Variants in ZNF584 observed in about 807,000 individuals in gnomAD.
ZNF584 encodes the protein zinc finger protein 584.
In ZNF584, 12 loss-of-function variants were observed where a neutral mutation model predicts 14.7. That is an observed-to-expected ratio of 0.82 (90% CI 0.52 to 1.32). The LOEUF (loss-of-function observed/expected upper bound fraction) is 1.32, where lower values mean the gene tolerates loss of function less well. ZNF584 is among the 40% of genes most tolerant of loss of function. ZNF584 has a pLI of 0.00. For missense variants in ZNF584, 478 were observed against 518.8 expected (o/e 0.92, Z 0.76); for synonymous variants, 204 against 190.9 (o/e 1.07, Z -0.57).
intron 1 of ZNF584, among the ~76,000 whole-genome samples, chr19:58,401,841 A>G (rs2052432862): frequency 6.9e-6 from 1 of 144,530 alleles, no homozygotes; most frequent in South Asian, 2.2e-4. Flanking sequence ...CGCAGATCCA[A>G]ACACATAGTA....
chr19:58,413,669 T>A (rs2052604623), intron 2 of ZNF584, among the ~76,000 whole-genome samples: 1 of 96,268 alleles, frequency 1.0e-5, no homozygotes, highest in Admixed American at 1.0e-4. Context: ...AATTTTTGTA[T>A]TTTTTTTTTT....
At position 58,412,197 on chromosome 19, in the gene ZNF584, G is replaced by GCC. The variant is rs1225346355; in HGVS notation, c.169+2106_169+2107insCC. 5.0e-3 allele frequency among the ~76,000 whole-genome samples: 490 copies of GCC among 97,914 alleles called. 20 individuals are homozygous for GCC. The highest frequency in any genetic ancestry group is 0.025 in the African/African-American group (457 of 17,930). The allele number at this position is 97,914 out of a possible 152,430, so 64.2% of individuals were successfully genotyped here. ...GGGTTTCACCATGTTGGCCAGGGTGGTCTTTTTTTTTTTTTTTTTTTTTGA... is the reference window on the plus strand; with the variant it reads ...GGGTTTCACCATGTTGGCCAGGGTGGCCTCTTTTTTTTTTTTTTTTTTTTTGA... On this transcript the variant is annotated intron_variant, in intron 2 of 3. Transcript: ENST00000306910.
Position 58,417,775 on chromosome 19 carries a change from TA to T in ZNF584, c.1258del (p.Ser420AlafsTer30), listed in dbSNP as rs763159781. On this transcript the variant is annotated frameshift_variant, in exon 4 of 4. Coordinates refer to ENST00000306910, the MANE Select transcript of ZNF584 (RefSeq NM_173548.3). LOFTEE classifies it high-confidence loss of function. ...AGGACAGGGCACATGGGAAGGTCGT[TA>T]GCTGCTAGCACCGTGTTCATCAGGA... ...QEDRAHGKVV[S>X]C 1.2e-6 allele frequency: 2 copies of T among 1,604,168 alleles called. No individual in the cohort carries two copies. Among genetic ancestry groups the T allele is most frequent in the Non-Finnish European group, 8.5e-7 (1 of 1,174,668 alleles).
chr19:58,411,279 C>T (rs770745967), intron 2 of ZNF584, among the ~76,000 whole-genome samples: 5 of 151,510 alleles, frequency 3.3e-5, no homozygotes, highest in Non-Finnish European at 7.4e-5. Flanking sequence ...GTAATTTCAG[C>T]ATTTTGGGAG....
rs2052650282 is a variant in ZNF584 at position 58,416,926 on chromosome 19, T to C, written c.408T>C (p.His136=). 4 of 1,613,194 alleles carry C rather than the reference T, an allele frequency of 2.5e-6. No individual in the cohort carries two copies. The highest frequency in any genetic ancestry group is 2.5e-6 in the Non-Finnish European group (3 of 1,179,484). Reference sequence around the variant, plus strand: ...GGAAACCAAGAAGGCACACTGAGCATGGGGCAGCTTTCCCACCTGGTTCCA... The same window carrying C: ...GGAAACCAAGAAGGCACACTGAGCACGGGGCAGCTTTCCCACCTGGTTCCA... ...SEGKPRRHTE[H]GAAFPPGSSC... The change falls in exon 4 of 4, where the codon CAT becomes CAC. Residue 136 remains histidine, a synonymous_variant. Transcript: ENST00000306910.
intron 2 of ZNF584, among the ~76,000 whole-genome samples, chr19:58,415,138 C>G (rs936107306): frequency 1.3e-5 from 2 of 152,052 alleles, no homozygotes; most frequent in African/African-American, 4.8e-5. Context: ...CGTGATCCGC[C>G]CACCTTGGCC....
At chr19:58,409,741 A>G (rs1343336675) in intron 1 of ZNF584, among the ~76,000 whole-genome samples, 200 bp from the exon 2 acceptor site, 2 of 152,170 alleles carry the variant, frequency 1.3e-5, no homozygotes, top group African/African-American at 4.8e-5. Context: ...TAACACCAGC[A>G]GCTCTGATAT....
In ZNF584 at chr19:58,417,373, C is replaced by A. The variant is rs376228472; in HGVS notation, c.855C>A (p.Leu285=). Residue 285 remains leucine, a synonymous_variant, in exon 4 of 4, where the codon CTC becomes CTA. Transcript: ENST00000306910. The part of the protein sequence containing the change: ...CGKTFSVLST[L]IRHRKVHIGE... ...AAACCTTCAGTGTTCTGTCTACCCT[C>A]ATTCGGCACCGGAAAGTGCACATTG... 1 of 1,614,106 alleles carries A rather than the reference C, an allele frequency of 6.2e-7. No homozygotes were observed. The highest frequency in any genetic ancestry group is 1.1e-5 in the South Asian group (1 of 91,080).
At position 58,415,541 on chromosome 19, in the gene ZNF584, T is replaced by G; in HGVS notation, c.187T>G (p.Ser63Ala). The G allele has an allele frequency of 1.2e-6, 2 of 1,613,122 alleles. No homozygotes were observed. Among genetic ancestry groups the G allele is most frequent in the Non-Finnish European group, 1.7e-6 (2 of 1,179,228 alleles). Residue 63 changes from serine to alanine, a missense_variant, in exon 3 of 4, where the codon TCC (serine) becomes GCC (alanine). Ser to Ala is a moderately conservative substitution (Grantham distance 99). This residue lies in a region of ZNF584 where 189 missense variants were observed against 177.9 expected (regional missense o/e 1.06). Transcript: ENST00000306910. ...VSSLGLAPSR[S>A]PVFTQLEDDE... Reference sequence around the variant, plus strand: ...ACCCGCAGGACTTGCACCTTCGAGATCCCCTGTGTTTACCCAGCTGGAGGA... The same window carrying G: ...ACCCGCAGGACTTGCACCTTCGAGAGCCCCTGTGTTTACCCAGCTGGAGGA...
chr19:58,410,657 G>A (rs188558621), intron 2 of ZNF584, among the ~76,000 whole-genome samples: 9 of 16,202 alleles, frequency 5.6e-4, no homozygotes, highest in East Asian at 3.8e-3. Context: ...GTATATATGT[G>A]TATATATGTA....
intron 2 of ZNF584, among the ~76,000 whole-genome samples, chr19:58,412,248 G>A (rs1239151643): frequency 7.7e-6 from 1 of 130,002 alleles, no homozygotes; most frequent in Admixed American, 8.1e-5. Flanking sequence ...TGTCGCCCAG[G>A]CCGGACTGCG....
intron 1 of ZNF584, among the ~76,000 whole-genome samples, chr19:58,403,142 C>G (rs1030024423): frequency 6.6e-6 from 1 of 152,180 alleles, no homozygotes; most frequent in Non-Finnish European, 1.5e-5. Flanking sequence ...TAAATATAGT[C>G]TTACCATATG....
Position 58,413,668 on chromosome 19 carries a change from A to ATT in ZNF584, c.170-1845_170-1844dup, listed in dbSNP as rs67455131. On this transcript the variant is annotated intron_variant, in intron 2 of 3. Coordinates refer to ENST00000306910, the MANE Select transcript of ZNF584 (RefSeq NM_173548.3). ...TCCACCACACCTGGCTAATTTTTGT[A>ATT]TTTTTTTTTTTTGGTAGAGACAGGG... 1.4e-3 allele frequency among the ~76,000 whole-genome samples: 182 copies of ATT among 134,182 alleles called. 1 individual carries two copies. The highest frequency in any genetic ancestry group is 2.3e-3 in the Non-Finnish European group (146 of 62,610). The allele number at this position is 134,182 out of a possible 152,430, so 88.0% of individuals were successfully genotyped here.
rs2052504362 is a variant in ZNF584, at chr19:58,408,982, C to T, written c.-166C>T. On this transcript the variant is annotated 5_prime_UTR_variant, in exon 1 of 4. Transcript: ENST00000306910. ...GGGTCTCCCGGGCCTCCGTACCGTC[C>T]TCCTTCCCAGCGGCTCCGGGAAGCG... 3.5e-6 allele frequency: 3 copies of T among 846,832 alleles called. No homozygotes were observed. The highest frequency in any genetic ancestry group is 5.1e-6 in the Non-Finnish European group (3 of 586,124). The allele number at this position is 846,832 out of a possible 1,614,324, so 52.5% of individuals were successfully genotyped here.
chr19:58,414,672 T>C (rs763697774), intron 2 of ZNF584, among the ~76,000 whole-genome samples: 4 of 152,002 alleles, frequency 2.6e-5, no homozygotes, highest in African/African-American at 4.8e-5. Flanking sequence ...GCAAATGGTA[T>C]GTTCTGAAGA....
intron 1 of ZNF584, among the ~76,000 whole-genome samples, chr19:58,409,495 T>C (rs746297126): frequency 7.9e-5 from 12 of 152,184 alleles, no homozygotes; most frequent in Non-Finnish European, 1.8e-4. Flanking sequence ...GTTTTGTGCC[T>C]GTTGAGCAGG....
At chr19:58,408,537 G>GT (rs1214364561), upstream of ZNF584, 1 of 152,406 alleles carries the variant, frequency 6.6e-6, no homozygotes, top group East Asian at 1.9e-4. Flanking sequence ...CCGCCCGAAC[G>GT]TTCCCGTTCC....
At chr19:58,415,772 T>A in intron 3 of ZNF584, 126 bp downstream of exon 3, 1 of 1,611,866 alleles carries the variant, frequency 6.2e-7, no homozygotes, top group South Asian at 1.1e-5. Flanking sequence ...ACCTTTCCTG[T>A]CTTATGTGGA....
upstream of ZNF584, chr19:58,404,681 T>C (rs55743044): frequency 0.11 from 24,520 of 219,698 alleles, 2,160 homozygotes; most frequent in Non-Finnish European, 0.14. Context: ...CTTTTCCCCA[T>C]CTTTCCCCCC....
Sources: allele counts gnomAD v4.1 joint callset (sites outside exome capture counted in the v4.1 genomes callset), GRCh38; gene constraint gnomAD v4.1.1; regional missense constraint gnomAD v4.1.1; transcripts MANE v1.5; gene names NCBI Gene and HGNC (gene_info 2026-07-23, HGNC 2026-07-21).